STXBP5L: variants seen among roughly 807,000 people sequenced by gnomAD.
The protein encoded by STXBP5L is syntaxin binding protein 5L, also known as syntaxin-binding protein 5-like.
In STXBP5L, 65 loss-of-function variants were observed where a neutral mutation model predicts 144.5. That is an observed-to-expected ratio of 0.45 (90% confidence interval 0.37 to 0.55). The LOEUF (loss-of-function observed/expected upper bound fraction) is 0.55. Among genes scored for constraint, STXBP5L ranks in the 20% least tolerant of loss-of-function variants. The probability of loss-of-function intolerance (pLI) is 0.00; values close to 1 mark genes in which losing one functional copy is unlikely to be tolerated. For synonymous variants in STXBP5L, 505 were observed against 469.6 expected, an observed-to-expected ratio of 1.08 and a Z score of -0.97; for missense variants, 1,298 against 1,405.5, an observed-to-expected ratio of 0.92 and a Z score of 1.22.
chr3:121,343,390 A>G lies in STXBP5L; in HGVS notation c.2176+24850A>G, dbSNP rs554773932. ...CCTATTCAACATAGTGTTGGAAGTT[A>G]TGGCCAGGGCAATTAGGCAGGAGAA... On this transcript the variant is annotated intron_variant, in intron 20 of 26. Transcript: ENST00000471454. Among the ~76,000 whole-genome samples, 84 of 151,926 alleles carry G rather than the reference A, an allele frequency of 5.5e-4. 1 individual carries two copies. Among genetic ancestry groups the G allele is most frequent in the Middle Eastern group, 3.4e-3 (1 of 294 alleles).
chr3:121,352,170 C>A, intron 20 of STXBP5L, among the ~76,000 whole-genome samples: 1 of 152,046 alleles, frequency 6.6e-6, no homozygotes, highest in Non-Finnish European at 1.5e-5. Context: ...AATGCAGGAT[C>A]TTTTTTCGTT....
chr3:120,996,259 A>T (rs1049463020), intron 3 of STXBP5L, among the ~76,000 whole-genome samples: 3 of 151,946 alleles, frequency 2.0e-5, no homozygotes, highest in African/African-American at 7.2e-5. Context: ...TTTGGTGTTT[A>T]CGCAGATTTT....
At chr3:121,137,335 A>C (rs1239289514) in intron 7 of STXBP5L, among the ~76,000 whole-genome samples, 1 of 152,168 alleles carries the variant, frequency 6.6e-6, no homozygotes, top group Non-Finnish European at 1.5e-5. Context: ...AAATAAATAA[A>C]ATCAGAGATG....
At position 120,939,262 on chromosome 3, in the gene STXBP5L, T is replaced by C. The variant is rs544372615; in HGVS notation, c.190-15678T>C. 2.6e-5 allele frequency among the ~76,000 whole-genome samples: 4 copies of C among 152,318 alleles called. No individual in the cohort carries two copies. In the East Asian group the frequency reaches 7.7e-4, roughly 29 times the overall value. On this transcript the variant is annotated intron_variant, in intron 2 of 26. Transcript: ENST00000471454. ...CCTGGGTGCAAGGATTGTATACATA[T>C]AGACTTCTTGGTTTATTGCTAATGT...
At chr3:121,207,778 G>A (rs186548248) in intron 10 of STXBP5L, among the ~76,000 whole-genome samples, 10 of 152,140 alleles carry the variant, frequency 6.6e-5, no homozygotes, top group South Asian at 2.1e-4. Flanking sequence ...CAAAACCACA[G>A]TGAGATACCA....
chr3:121,101,870 G>A (rs752184805), intron 5 of STXBP5L, among the ~76,000 whole-genome samples: 88 of 151,938 alleles, frequency 5.8e-4, no homozygotes, highest in Non-Finnish European at 1.1e-3. Context: ...GAACTGATGA[G>A]TTCAGTAAAG....
intron 5 of STXBP5L, among the ~76,000 whole-genome samples, chr3:121,097,511 G>A (rs1249220254): frequency 6.6e-6 from 1 of 152,182 alleles, no homozygotes; most frequent in African/African-American, 2.4e-5. Flanking sequence ...TATCTGGGCT[G>A]GAGTGTGCAC....
At chr3:121,315,390 A>T (rs1308531685) in intron 19 of STXBP5L, among the ~76,000 whole-genome samples, 1 of 151,762 alleles carries the variant, frequency 6.6e-6, no homozygotes, top group East Asian at 1.9e-4. Context: ...CAAGGACAAA[A>T]AACCAAACAC....
At chr3:121,057,441 C>G (rs1392020300) in intron 5 of STXBP5L, among the ~76,000 whole-genome samples, 1 of 151,974 alleles carries the variant, frequency 6.6e-6, no homozygotes, top group Non-Finnish European at 1.5e-5. Flanking sequence ...ACACCTAAAT[C>G]AAGATACAGA....
intron 3 of STXBP5L, among the ~76,000 whole-genome samples, chr3:121,001,767 C>G (rs963185502): frequency 3.3e-5 from 5 of 152,220 alleles, no homozygotes; most frequent in Admixed American, 6.5e-5. Flanking sequence ...TCTGCATTCT[C>G]TGTCCATTCA....
intron 5 of STXBP5L, among the ~76,000 whole-genome samples, chr3:121,097,186 A>T (rs771155997): frequency 7.2e-5 from 11 of 152,090 alleles, no homozygotes; most frequent in Non-Finnish European, 1.0e-4. Context: ...CCCCACACCA[A>T]GCTCAATTGT....
At chr3:121,384,226 A>G (rs2046377480) in intron 22 of STXBP5L, among the ~76,000 whole-genome samples, 1 of 152,172 alleles carries the variant, frequency 6.6e-6, no homozygotes, top group Non-Finnish European at 1.5e-5. Flanking sequence ...TAAAGAAAGT[A>G]TAATAATGGA....
chr3:120,945,233 G>A (rs1026333487), intron 2 of STXBP5L, among the ~76,000 whole-genome samples: 2 of 151,626 alleles, frequency 1.3e-5, no homozygotes, highest in Non-Finnish European at 1.5e-5. Context: ...CCAAAAACTC[G>A]ACAAGTAACC....
At chr3:121,112,244 A>G (rs1175941198) in intron 5 of STXBP5L, among the ~76,000 whole-genome samples, 1 of 152,078 alleles carries the variant, frequency 6.6e-6, no homozygotes, top group African/African-American at 2.4e-5. Flanking sequence ...AAGAATCTGC[A>G]CAGCTCTGTT....
At chr3:121,013,904 C>G (rs1560001447) in intron 3 of STXBP5L, among the ~76,000 whole-genome samples, 1 of 151,942 alleles carries the variant, frequency 6.6e-6, no homozygotes, top group South Asian at 2.1e-4. Flanking sequence ...TATCCTTTCC[C>G]TGTTGTTTAT....
At chr3:121,406,260 C>G (rs1477535989) in intron 22 of STXBP5L, among the ~76,000 whole-genome samples, 1 of 151,886 alleles carries the variant, frequency 6.6e-6, no homozygotes, top group East Asian at 1.9e-4. Context: ...TTAGATCATC[C>G]CAATATACTC....
At position 121,051,541 on chromosome 3, in the gene STXBP5L, A is replaced by G. The variant is rs539582733; in HGVS notation, c.470+6006A>G. Among the ~76,000 whole-genome samples the G allele has an allele frequency of 4.6e-5, 7 of 152,174 alleles. No homozygotes were observed. The East Asian group carries it at 5.8e-4, about 13-fold the overall frequency. On this transcript the variant is annotated intron_variant, in intron 5 of 26. Coordinates refer to ENST00000471454, the MANE Select transcript of STXBP5L (RefSeq NM_001308330.2). ...TAAAGATGTTCTTTGAAACCAACGA[A>G]AACAAAGACACAACATACCAGAATC...
intron 7 of STXBP5L, among the ~76,000 whole-genome samples, chr3:121,150,161 CAATT>C (rs1204172628): frequency 6.6e-6 from 1 of 151,932 alleles, no homozygotes; most frequent in Admixed American, 6.6e-5. Context: ...TGGTATTTAA[CAATT>C]AATTTGTTAT....
At chr3:121,303,723 T>C (rs886768062) in intron 19 of STXBP5L, among the ~76,000 whole-genome samples, 1 of 152,192 alleles carries the variant, frequency 6.6e-6, no homozygotes, top group African/African-American at 2.4e-5. Flanking sequence ...TTCATGTCCT[T>C]TGTAGGGACA....
Sources: gnomAD v4.1 joint callset for allele counts (sites outside exome capture counted in the v4.1 genomes callset) on GRCh38, gnomAD v4.1.1 for gene constraint, MANE v1.5 for transcripts, NCBI Gene and HGNC (gene_info 2026-07-23, HGNC 2026-07-21) for gene names.